The following PIGN variants were observed in gnomAD, a reference collection of about 807,000 sequenced individuals.
PIGN encodes phosphatidylinositol glycan anchor biosynthesis class N.
A neutral mutation model predicts 125.4 loss-of-function variants in PIGN; 117 were observed. That is an observed-to-expected ratio of 0.93 (90% CI 0.80 to 1.09). The LOEUF is 1.09. Ranked by LOEUF, PIGN falls within the 50% of genes least tolerant of loss-of-function variation. PIGN has a pLI of 0.00. For missense variants in PIGN, 1,075 were observed against 1,094.9 expected (o/e 0.98, Z 0.26); for synonymous variants, 392 against 377.8 (o/e 1.04, Z -0.44).
intron 14 of PIGN, among the ~76,000 whole-genome samples, chr18:62,120,591 A>C (rs2146750766): frequency 6.6e-6 from 1 of 152,220 alleles, no homozygotes; most frequent in East Asian, 1.9e-4. Context: ...CAATAACATC[A>C]AAGGTATGAA....
intron 14 of PIGN, among the ~76,000 whole-genome samples, chr18:62,122,372 C>T (rs1795275143): frequency 6.6e-6 from 1 of 152,050 alleles, no homozygotes; most frequent in African/African-American, 2.4e-5. Context: ...TAAATTTCTA[C>T]TTAACTTCCT....
intron 14 of PIGN, among the ~76,000 whole-genome samples, chr18:62,121,901 GT>G (rs35196948): frequency 0.3 from 45,776 of 151,900 alleles, 8,048 homozygotes; most frequent in East Asian, 0.59. Flanking sequence ...TAGTGGAATT[GT>G]TGGATCATAT....
intron 14 of PIGN, among the ~76,000 whole-genome samples, chr18:62,123,038 C>A (rs2035367326): frequency 6.6e-6 from 1 of 152,068 alleles, no homozygotes; most frequent in Admixed American, 6.6e-5. Flanking sequence ...CTTTGGGAGG[C>A]CAAGACAGGA....
chr18:62,105,995 A>G (rs978276109), intron 19 of PIGN, among the ~76,000 whole-genome samples: 1 of 152,220 alleles, frequency 6.6e-6, no homozygotes, highest in Admixed American at 6.5e-5. Context: ...TGACAAGTAA[A>G]TAAAATAACC....
chr18:62,042,962 G>T lies in PIGN; in HGVS notation c.*2894C>A, dbSNP rs1455321441. 2.0e-5 allele frequency: 3 copies of T among 150,994 alleles called. No homozygotes were observed. 9.4% of individuals were successfully genotyped at this position (150,994 alleles called of 1,614,324 possible). A position where few individuals can be genotyped will look rare whatever the true frequency, so the allele number is the denominator to read the frequency against. On this transcript the variant is annotated 3_prime_UTR_variant, in exon 31 of 31. Coordinates refer to ENST00000640252, the MANE Select transcript of PIGN (RefSeq NM_176787.5). ...CAAAAAACCATGCTTATACAGAAAT[G>T]GGAAAATGCTACAAAGATATTGCCA...
rs558909249 is a variant in PIGN at position 62,042,653 on chromosome 18, T to C, written c.*3203A>G. ...ATAATTTTGATTATTAATGTTTCCT[T>C]CTCATTTTTTTTTTAAATAACAAAG... On this transcript the variant is annotated 3_prime_UTR_variant, in exon 31 of 31. Coordinates refer to ENST00000640252, the MANE Select transcript of PIGN (RefSeq NM_176787.5). 69 of 134,074 alleles carry C rather than the reference T, an allele frequency of 5.1e-4. No individual in the cohort carries two copies. Among genetic ancestry groups the C allele is most frequent in the African/African-American group, 1.8e-3 (68 of 37,650 alleles). The allele number at this position is 134,074 out of a possible 1,614,324, so 8.3% of individuals were successfully genotyped here. A position where few individuals can be genotyped will look rare whatever the true frequency, so the allele number is the denominator to read the frequency against.
chr18:62,072,729 TAAAA>T lies in PIGN; in HGVS notation c.2620-8_2620-5del. On this transcript the variant is annotated splice_polypyrimidine_tract_variant and splice_region_variant and intron_variant, in intron 29 of 30. Transcript: ENST00000640252. Reference sequence around the variant, plus strand: ...CCTTGACCAAGAAGAAAAAATGCTGTAAAAAAAAAAAAAGGCTTAATGAAAAACA... The same window carrying T: ...CCTTGACCAAGAAGAAAAAATGCTGTAAAAAAAAAGGCTTAATGAAAAACA... 3.5e-6 allele frequency: 5 copies of T among 1,424,950 alleles called. No individual in the cohort carries two copies. The highest frequency in any genetic ancestry group is 2.7e-5 in the South Asian group (2 of 75,004). The allele number at this position is 1,424,950 out of a possible 1,614,324, so 88.3% of individuals were successfully genotyped here.
chr18:62,135,265 G>T (rs2035881580), intron 14 of PIGN, among the ~76,000 whole-genome samples: 1 of 152,048 alleles, frequency 6.6e-6, no homozygotes, highest in Non-Finnish European at 1.5e-5. Flanking sequence ...TCTGTTCCTT[G>T]AATTTCATAT....
chr18:62,065,460 G>C (rs11665204), intron 30 of PIGN, among the ~76,000 whole-genome samples: 53,721 of 152,018 alleles, frequency 0.35, 10,505 homozygotes, highest in East Asian at 0.7. Flanking sequence ...CAGGCTTGGC[G>C]GGGCGTGGTG....
chr18:62,088,160 C>T lies in PIGN; in HGVS notation c.2370+596G>A, dbSNP rs570830657. ...CACCTTAAATATATACAATTTTTGT[C>T]AATTATACTTCAATAAAGCTGAATA... On this transcript the variant is annotated intron_variant, in intron 25 of 30. Coordinates refer to ENST00000640252, the MANE Select transcript of PIGN (RefSeq NM_176787.5). Among the ~76,000 whole-genome samples, 5 of 152,226 alleles carry T rather than the reference C, an allele frequency of 3.3e-5. No homozygotes were observed. In the South Asian group the frequency reaches 1.0e-3, roughly 32 times the overall value.
At chr18:62,114,895 G>A (rs2035030242) in intron 14 of PIGN, among the ~76,000 whole-genome samples, 1 of 152,178 alleles carries the variant, frequency 6.6e-6, no homozygotes, top group African/African-American at 2.4e-5. Flanking sequence ...CCATCATTCT[G>A]AAGAAATGTA....
chr18:62,082,876 C>A, intron 27 of PIGN, 130 bp from the exon 28 acceptor site: 1 of 563,698 alleles, frequency 1.8e-6, no homozygotes, highest in Non-Finnish European at 3.2e-6. Context: ...TAGTGAAGAG[C>A]AAACACTGAA....
At chr18:62,101,034 T>C (rs1317600429) in intron 22 of PIGN, 41 bp downstream of exon 22, 2 of 991,446 alleles carry the variant, frequency 2.0e-6, no homozygotes, top group South Asian at 1.3e-5. Context: ...AATAACTAAG[T>C]TGATGTCAAA....
chr18:62,113,615 T>G (rs2034969044), intron 15 of PIGN, among the ~76,000 whole-genome samples: 1 of 152,158 alleles, frequency 6.6e-6, no homozygotes, highest in Non-Finnish European at 1.5e-5. Context: ...ATAAAAGAAA[T>G]GAAGGCTCTC....
intron 23 of PIGN, among the ~76,000 whole-genome samples, chr18:62,035,323 T>A (rs994359488): frequency 6.6e-6 from 1 of 152,192 alleles, no homozygotes; most frequent in Non-Finnish European, 1.5e-5. Context: ...GGCAAATTAA[T>A]CTACTGATTT....
In PIGN at chr18:62,113,200, A is replaced by T. The variant is rs2034951334; in HGVS notation, c.1368T>A (p.Ser456=). 2.5e-6 allele frequency: 4 copies of T among 1,612,694 alleles called. No individual in the cohort carries two copies. The highest frequency in any genetic ancestry group is 3.4e-6 in the Non-Finnish European group (4 of 1,179,228). Residue 456 remains serine, a synonymous_variant, in exon 16 of 31, where the codon TCT becomes TCA. Coordinates refer to ENST00000640252, the MANE Select transcript of PIGN (RefSeq NM_176787.5). ...ACTTGATGATCAACAAAGAGGCATA[A>T]GATATCCATCCCACAAAACCAATAA... is the stretch of plus-strand genomic sequence containing the variant. ...NVVIGFVGWI[S]YASLLIIKSH...
chr18:62,114,062 C>T (rs2034989390), intron 15 of PIGN, among the ~76,000 whole-genome samples: 1 of 152,010 alleles, frequency 6.6e-6, no homozygotes, highest in African/African-American at 2.4e-5. Flanking sequence ...ATTTCTAATG[C>T]TAACCTAAAA....
chr18:62,082,846 C>T (rs1484792234), intron 27 of PIGN, 100 bp from the exon 28 acceptor site: 6 of 691,644 alleles, frequency 8.7e-6, no homozygotes, highest in Non-Finnish European at 1.3e-5. Flanking sequence ...TTCAATTTCT[C>T]AAGTAACTTT....
rs373914701 is a variant in PIGN, at chr18:62,062,334, C to T, written c.2672+10339G>A. ...TGTGGGAAATTTATGTAGATTTGTT[C>T]AGTGCCATCAGCCTGATGAAGACAG... On this transcript the variant is annotated intron_variant, in intron 30 of 30. Transcript: ENST00000640252. Among the ~76,000 whole-genome samples, 6 of 152,158 alleles carry T rather than the reference C, an allele frequency of 3.9e-5. No homozygotes were observed. The East Asian group carries it at 5.8e-4, about 15-fold the overall frequency.
Sources: allele counts gnomAD v4.1 joint callset (sites outside exome capture counted in the v4.1 genomes callset), GRCh38; gene constraint gnomAD v4.1.1; transcripts MANE v1.5; gene names NCBI Gene and HGNC (gene_info 2026-07-23, HGNC 2026-07-21).